Variants in ANKHD1 observed in about 807,000 individuals in gnomAD.
ANKHD1 encodes the protein ankyrin repeat and KH domain containing 1.
ANKHD1 carries 31 observed loss-of-function variants against 230.5 expected under a neutral mutation model. The observed-to-expected ratio is 0.13, with a 90% confidence interval of 0.10 to 0.18. ANKHD1 has a LOEUF of 0.18. Ranked by LOEUF, ANKHD1 falls within the 10% of genes least tolerant of loss-of-function variation. ANKHD1 has a pLI of 1.00. For missense variants in ANKHD1, 2,256 were observed against 3,071.3 expected, an observed-to-expected ratio of 0.73 and a Z score of 6.27; for synonymous variants, 1,074 against 1,117.6, an observed-to-expected ratio of 0.96 and a Z score of 0.78.
At chr5:140,496,386 T>C in intron 14 of ANKHD1, 134 bp from the exon 15 acceptor site, 1 of 874,800 alleles carries the variant, frequency 1.1e-6, no homozygotes, top group Non-Finnish European at 1.6e-6. Flanking sequence ...TTCTATAACA[T>C]TAGTTATAAG....
chr5:140,415,556 A>G (rs1404198401), intron 1 of ANKHD1, among the ~76,000 whole-genome samples: 3 of 145,098 alleles, frequency 2.1e-5, no homozygotes, highest in Non-Finnish European at 3.0e-5. Context: ...CTCCTGCCTC[A>G]GCCTCCCAAG....
intron 7 of ANKHD1, among the ~76,000 whole-genome samples, chr5:140,450,243 C>A (rs544301709): frequency 6.6e-6 from 1 of 151,568 alleles, no homozygotes; most frequent in Non-Finnish European, 1.5e-5. Context: ...TGCTGTTTAG[C>A]GAATCACTCA....
intron 24 of ANKHD1, among the ~76,000 whole-genome samples, chr5:140,514,711 C>A (rs752743160): frequency 6.6e-6 from 1 of 152,160 alleles, no homozygotes; most frequent in African/African-American, 2.4e-5. Flanking sequence ...TAGCTCACAC[C>A]TGTAATCCCA....
At chr5:140,467,044 C>T (rs906127258) in intron 10 of ANKHD1, among the ~76,000 whole-genome samples, 5 of 151,886 alleles carry the variant, frequency 3.3e-5, no homozygotes, top group African/African-American at 4.8e-5. Flanking sequence ...TCTATTTTTA[C>T]ATTCATATTT....
chr5:140,537,607 T>A lies in ANKHD1; in HGVS notation c.7228+18T>A. 1 of 1,539,774 alleles carries A rather than the reference T, an allele frequency of 6.5e-7. No homozygotes were observed. On this transcript the variant is annotated intron_variant, in intron 31 of 33. Transcript: ENST00000360839. The stretch of plus-strand genomic sequence containing the variant: ...TGTGTCAGGTACAATTGCCTTGCTC[T>A]CTCTCTGGAGGGATATCTTAAGTAA...
At chr5:140,530,050 TA>T (rs968737281) in intron 29 of ANKHD1, among the ~76,000 whole-genome samples, 20 of 149,590 alleles carry the variant, frequency 1.3e-4, no homozygotes, top group Admixed American at 4.7e-4. Context: ...TTTACAGACT[TA>T]AAAAAAAAAT....
rs1244349709 is a variant in ANKHD1 at position 140,485,680 on chromosome 5, T to C, written c.2090T>C (p.Val697Ala). The C allele has an allele frequency of 6.2e-7, 1 of 1,614,086 alleles. No homozygotes were observed. The highest frequency in any genetic ancestry group is 1.7e-5 in the Admixed American group (1 of 60,014). Residue 697 changes from valine to alanine, a missense_variant, in exon 13 of 34, where the codon GTT becomes GCT. This residue lies in a region of ANKHD1 where 358 missense variants were observed against 397.7 expected (regional missense o/e 0.90). Transcript: ENST00000360839. The surrounding 1 kb of genome is among the most constrained non-coding windows in gnomAD (Gnocchi z 4.8). ...LLDYPNNVLS[V>A]PTTDVSQLPP... ...GATTATCCAAATAATGTTCTGTCAG[T>C]TCCCACCACAGATGTGTCTCAGCTC...
chr5:140,427,326 A>AC (rs1249738152), intron 1 of ANKHD1, among the ~76,000 whole-genome samples: 3 of 87,118 alleles, frequency 3.4e-5, no homozygotes, highest in East Asian at 3.7e-4. Flanking sequence ...TGGGGGGCCG[A>AC]CCCCCCCACC....
At chr5:140,446,297 T>G (rs1774274442) in intron 6 of ANKHD1, among the ~76,000 whole-genome samples, 1 of 152,182 alleles carries the variant, frequency 6.6e-6, no homozygotes, top group Admixed American at 6.5e-5. Flanking sequence ...TAAAAAATAG[T>G]ACATGCCAAA....
intron 1 of ANKHD1, among the ~76,000 whole-genome samples, chr5:140,405,776 A>G (rs1390015836): frequency 2.0e-5 from 3 of 151,998 alleles, no homozygotes; most frequent in Admixed American, 1.3e-4. Context: ...GGGATTACAG[A>G]TATCCACCAC....
At chr5:140,491,156 A>AT (rs1339403637) in intron 14 of ANKHD1, among the ~76,000 whole-genome samples, 105 of 94,902 alleles carry the variant, frequency 1.1e-3, no homozygotes, top group African/African-American at 2.7e-3. Context: ...ATATATATAT[A>AT]TATATTTTTT....
chr5:140,434,382 G>T (rs1773282160), intron 1 of ANKHD1, among the ~76,000 whole-genome samples: 1 of 149,672 alleles, frequency 6.7e-6, no homozygotes. Flanking sequence ...ATTTTTCCTG[G>T]CTATACATAT....
At chr5:140,447,328 GAATA>G in intron 6 of ANKHD1, among the ~76,000 whole-genome samples, 1 of 151,994 alleles carries the variant, frequency 6.6e-6, no homozygotes, top group Middle Eastern at 3.2e-3. Flanking sequence ...TCAGCCTCCT[GAATA>G]GCTAGGATTA....
intron 1 of ANKHD1, among the ~76,000 whole-genome samples, chr5:140,430,194 C>T (rs1386075241): frequency 1.3e-5 from 2 of 152,086 alleles, no homozygotes; most frequent in Non-Finnish European, 2.9e-5. Context: ...TTTAGTATTT[C>T]AGGAGATATA....
chr5:140,462,766 T>C (rs1472021113), intron 9 of ANKHD1, among the ~76,000 whole-genome samples: 1 of 151,038 alleles, frequency 6.6e-6, no homozygotes. Context: ...GTTTGTCTTT[T>C]TTTCCCCCTT....
intron 24 of ANKHD1, among the ~76,000 whole-genome samples, chr5:140,516,544 G>A (rs1451233782): frequency 6.6e-6 from 1 of 152,102 alleles, no homozygotes; most frequent in Non-Finnish European, 1.5e-5. Context: ...AGCGAGAAAG[G>A]TCGGGTTACC....
intron 1 of ANKHD1, among the ~76,000 whole-genome samples, chr5:140,433,659 T>G (rs1435036671): frequency 2.0e-5 from 3 of 152,286 alleles, no homozygotes; most frequent in Non-Finnish European, 4.4e-5. Flanking sequence ...GAGAGAGAGA[T>G]ATATATATCT....
chr5:140,435,225 T>C (rs1024354271), intron 1 of ANKHD1, among the ~76,000 whole-genome samples: 1 of 152,154 alleles, frequency 6.6e-6, no homozygotes. Context: ...TTGAATAAAT[T>C]ATTTAGAAAA....
chr5:140,526,242 G>A lies in ANKHD1; in HGVS notation c.4739G>A (p.Gly1580Glu), dbSNP rs1223995962. Reference protein sequence around the residue: ...QQKADKNKINGEPRGGGAGGN... With the variant: ...QQKADKNKINEEPRGGGAGGN... Reference sequence around the variant, plus strand: ...AAGGCAGATAAAAATAAAATAAATGGAGAACCTAGAGGTGGTGGTGCAGGT... The same window carrying A: ...AAGGCAGATAAAAATAAAATAAATGAAGAACCTAGAGGTGGTGGTGCAGGT... The change falls in exon 26 of 34, where the codon GGA (glycine) becomes GAA (glutamate). Residue 1580 changes from glycine (G) to glutamate (E), a missense_variant. This residue lies in a region of ANKHD1 where 212 missense variants were observed against 257.3 expected (regional missense o/e 0.82). Transcript: ENST00000360839. 6.2e-7 allele frequency: 1 copy of A among 1,614,040 alleles called. No homozygotes were observed. The highest frequency in any genetic ancestry group is 1.3e-5 in the African/African-American group (1 of 74,922).
Sources: allele counts gnomAD v4.1 joint callset (sites outside exome capture counted in the v4.1 genomes callset), GRCh38; gene constraint gnomAD v4.1.1; regional missense constraint gnomAD v4.1.1; non-coding constraint Gnocchi (gnomAD v3.1); transcripts MANE v1.5; gene names NCBI Gene and HGNC (gene_info 2026-07-23, HGNC 2026-07-21).